Variants in MRE11 observed in about 807,000 individuals in gnomAD.
MRE11 encodes the protein double-strand break repair protein MRE11.
In MRE11, 62 loss-of-function variants were observed where a neutral mutation model predicts 91.7. That is an observed-to-expected ratio of 0.68 (90% CI 0.55 to 0.84). The LOEUF (loss-of-function observed/expected upper bound fraction) is 0.84, where lower values mean the gene tolerates loss of function less well. MRE11 is among the 40% of genes least tolerant of loss of function. The pLI is 0.00. For synonymous variants in MRE11, 273 were observed against 271.4 expected, an observed-to-expected ratio of 1.01 and a Z score of -0.06; for missense variants, 796 against 852.9, an observed-to-expected ratio of 0.93 and a Z score of 0.83.
rs781140391 is a variant in MRE11 at position 94,467,863 on chromosome 11, C to T, written c.1048G>A (p.Glu350Lys). The change falls in exon 10 of 20, where the codon GAA (glutamate) becomes AAA (lysine). Residue 350 changes from glutamate (E) to lysine (K), a missense_variant. Physicochemically the swap from Glu to Lys is moderately conservative, Grantham distance 56 (BLOSUM62 1). Coordinates refer to ENST00000323929, the MANE Select transcript of MRE11 (RefSeq NM_005591.4). ...GGCTGGTGAGAATTACCCAGACGTT[C>T]CCGTTCAGCATTTTCAAGCATTTCT... Reference protein sequence around the residue: ...IEEMLENAERERLGNSHQPEK... With the variant: ...IEEMLENAERKRLGNSHQPEK... The T allele has an allele frequency of 6.2e-7, 1 of 1,613,644 alleles. No homozygotes were observed. The highest frequency in any genetic ancestry group is 8.5e-7 in the Non-Finnish European group (1 of 1,179,774).
the MRE11 span, among the ~76,000 whole-genome samples, chr11:94,509,278 A>AT: frequency 5.9e-3 from 898 of 151,928 alleles, 6 homozygotes; most frequent in African/African-American, 0.021. Context: ...TCCTTAATGT[A>AT]TTTTTTTGGC....
In MRE11 at chr11:94,419,625, A is replaced by G; in HGVS notation, c.*500T>C. On this transcript the variant is annotated 3_prime_UTR_variant, in exon 20 of 20. Coordinates refer to ENST00000323929, the MANE Select transcript of MRE11 (RefSeq NM_005591.4). ...GAAAGGTTATTCTACTCTTTTAAAT[A>G]AAAACATATCTGTTCAAACTATTAG... The G allele has an allele frequency of 4.3e-6, 1 of 233,296 alleles. No homozygotes were observed. Among genetic ancestry groups the G allele is most frequent in the South Asian group, 1.8e-4 (1 of 5,546 alleles). 14.5% of individuals were successfully genotyped at this position (233,296 alleles called of 1,614,324 possible). A position where few individuals can be genotyped will look rare whatever the true frequency, so the allele number is the denominator to read the frequency against.
At chr11:94,494,195 T>C (rs1160053164), upstream of MRE11, 2 of 152,150 alleles carry the variant, frequency 1.3e-5, no homozygotes, top group Non-Finnish European at 2.9e-5. Context: ...GCTTCTCCGC[T>C]CTTGGCTGTT....
chr11:94,462,867 T>A (rs1946457759), intron 11 of MRE11, among the ~76,000 whole-genome samples: 1 of 152,178 alleles, frequency 6.6e-6, no homozygotes, highest in African/African-American at 2.4e-5. Flanking sequence ...GACAGAGGCA[T>A]GAGCAAGGAC....
chr11:94,510,746 T>A, the MRE11 span, among the ~76,000 whole-genome samples: 1 of 152,222 alleles, frequency 6.6e-6, no homozygotes, highest in Non-Finnish European at 1.5e-5. Context: ...GGACTTCTGA[T>A]AGCCGAAGGG....
chr11:94,448,099 C>T (rs1476450982), intron 14 of MRE11, among the ~76,000 whole-genome samples: 1 of 152,046 alleles, frequency 6.6e-6, no homozygotes, highest in African/African-American at 2.4e-5. Context: ...TTAGAATCGG[C>T]TCCTAGGAAA....
At chr11:94,508,804 C>A in the MRE11 span, among the ~76,000 whole-genome samples, 1 of 151,526 alleles carries the variant, frequency 6.6e-6, no homozygotes, top group Non-Finnish European at 1.5e-5. Flanking sequence ...CTCTTTCACC[C>A]AGGCTGGAGT....
intron 7 of MRE11, among the ~76,000 whole-genome samples, chr11:94,474,641 A>C (rs1591700441): frequency 6.6e-6 from 1 of 152,306 alleles, no homozygotes; most frequent in East Asian, 1.9e-4. Flanking sequence ...GCATAGTCTC[A>C]AAGTATTTTC....
At position 94,419,884 on chromosome 11, in the gene MRE11, T is replaced by G. The variant is rs13447747; in HGVS notation, c.*241A>C. 1.3e-5 allele frequency: 4 copies of G among 311,372 alleles called. No individual in the cohort carries two copies. The highest frequency in any genetic ancestry group is 2.4e-5 in the Non-Finnish European group (4 of 167,626). 19.3% of individuals were successfully genotyped at this position (311,372 alleles called of 1,614,324 possible). A position where few individuals can be genotyped will look rare whatever the true frequency, so the allele number is the denominator to read the frequency against. On this transcript the variant is annotated 3_prime_UTR_variant, in exon 20 of 20. Coordinates refer to ENST00000323929, the MANE Select transcript of MRE11 (RefSeq NM_005591.4). The stretch of plus-strand genomic sequence containing the variant: ...AGTTTTTCATTATGAAATAGAAATG[T>G]AAAATGGTAGCTTTATTTTAATCTT...
the MRE11 span, among the ~76,000 whole-genome samples, chr11:94,503,723 A>C: frequency 5.9e-5 from 9 of 151,676 alleles, no homozygotes; most frequent in African/African-American, 2.2e-4. Flanking sequence ...GAAAACGTTA[A>C]AATCGGGATT....
Position 94,454,773 on chromosome 11 carries a change from G to A in MRE11, c.1563+1503C>T, listed in dbSNP as rs112654298. ...GCTTAATGAAAAATTGAGGTTTGTCGCTTCAAACATGAAGAACTCACTCAA... is the reference window on the plus strand; with the variant it reads ...GCTTAATGAAAAATTGAGGTTTGTCACTTCAAACATGAAGAACTCACTCAA... On this transcript the variant is annotated intron_variant, in intron 14 of 19. Transcript: ENST00000323929. 9.0e-3 allele frequency among the ~76,000 whole-genome samples: 1,366 copies of A among 152,070 alleles called. 22 individuals are homozygous for A. Among genetic ancestry groups the A allele is most frequent in the African/African-American group, 0.031 (1,299 of 41,474 alleles).
Position 94,447,212 on chromosome 11 carries a change from T to C in MRE11, c.1783+7A>G, listed in dbSNP as rs774520952. 2.9e-5 allele frequency: 47 copies of C among 1,611,056 alleles called. No individual in the cohort carries two copies. The highest frequency in any genetic ancestry group is 3.8e-5 in the Non-Finnish European group (45 of 1,179,860). On this transcript the variant is annotated splice_region_variant and intron_variant, in intron 15 of 19. Transcript: ENST00000323929. Reference sequence around the variant, plus strand: ...TGAATGTGCACAGGACTGAACTCAGTGCTCACCTCTTCCTCTTTGAGACCC... The same window carrying C: ...TGAATGTGCACAGGACTGAACTCAGCGCTCACCTCTTCCTCTTTGAGACCC...
intron 5 of MRE11, among the ~76,000 whole-genome samples, chr11:94,479,172 T>C (rs1946952077): frequency 6.6e-6 from 1 of 152,204 alleles, no homozygotes; most frequent in Non-Finnish European, 1.5e-5. Flanking sequence ...CTTTGTAATA[T>C]TAAGCAACCG....
intron 10 of MRE11, among the ~76,000 whole-genome samples, chr11:94,464,668 G>C (rs1946515588): frequency 6.6e-6 from 1 of 152,152 alleles, no homozygotes; most frequent in South Asian, 2.1e-4. Flanking sequence ...TGCCTCAAGA[G>C]AAAGATGAAT....
chr11:94,467,774 G>T (rs1214066033), intron 10 of MRE11, 39 bp downstream of exon 10: 2 of 1,516,942 alleles, frequency 1.3e-6, no homozygotes, highest in East Asian at 4.5e-5. Context: ...ACTATGCTTT[G>T]AAAATTAATA....
At chr11:94,457,719 A>C (rs980461344) in intron 13 of MRE11, among the ~76,000 whole-genome samples, 4 of 152,146 alleles carry the variant, frequency 2.6e-5, no homozygotes, top group African/African-American at 9.7e-5. Context: ...GCCTATTATC[A>C]TCACCATTTT....
At chr11:94,496,264 G>A (rs1947416855), upstream of MRE11, among the ~76,000 whole-genome samples, 1 of 152,058 alleles carries the variant, frequency 6.6e-6, no homozygotes, top group Admixed American at 6.5e-5. Context: ...TAAAAATCTT[G>A]AATGCACCTG....
At chr11:94,505,023 T>C in the MRE11 span, among the ~76,000 whole-genome samples, 1 of 152,206 alleles carries the variant, frequency 6.6e-6, no homozygotes, top group Non-Finnish European at 1.5e-5. Flanking sequence ...CATAATGTCA[T>C]AGCACAACAC....
chr11:94,506,585 C>CTTTTTT, the MRE11 span, among the ~76,000 whole-genome samples: 2 of 147,186 alleles, frequency 1.4e-5, no homozygotes, highest in African/African-American at 2.6e-5. Flanking sequence ...ACAGTAATTG[C>CTTTTTT]TTTTTTTGTT....
Sources: gnomAD v4.1 joint callset for allele counts (sites outside exome capture counted in the v4.1 genomes callset) on GRCh38, gnomAD v4.1.1 for gene constraint, MANE v1.5 for transcripts, NCBI Gene and HGNC (gene_info 2026-07-23, HGNC 2026-07-21) for gene names.